The following RGSL1 variants were observed in gnomAD, a reference collection of about 807,000 sequenced individuals.
RGSL1 encodes regulator of G protein signaling protein-like.
RGSL1 carries 97 observed loss-of-function variants against 124.7 expected under a neutral mutation model. The observed-to-expected ratio is 0.78, with a 90% CI of 0.66 to 0.92. The LOEUF is 0.92. RGSL1 is among the 40% of genes least tolerant of loss of function. RGSL1 has a pLI of 0.00. For missense variants in RGSL1, 1,233 were observed against 1,288.4 expected, an observed-to-expected ratio of 0.96 and a Z score of 0.66; for synonymous variants, 424 against 438.1, an observed-to-expected ratio of 0.97 and a Z score of 0.40.
At chr1:182,462,578 A>T (rs2986062) in intron 4 of RGSL1, among the ~76,000 whole-genome samples, 13,069 of 152,270 alleles carry the variant, frequency 0.086, 760 homozygotes, top group East Asian at 0.26. Context: ...GATAGTATTA[A>T]TGTAACTTTG....
chr1:182,492,625 A>G (rs960527965), intron 8 of RGSL1, among the ~76,000 whole-genome samples: 9 of 130,652 alleles, frequency 6.9e-5, no homozygotes, highest in Non-Finnish European at 1.3e-4. Context: ...CTCTTTAAAT[A>G]ACCTTTTTTT....
At chr1:182,477,065 C>T (rs1307442819) in intron 6 of RGSL1, among the ~76,000 whole-genome samples, 1 of 152,162 alleles carries the variant, frequency 6.6e-6, no homozygotes, top group African/African-American at 2.4e-5. Flanking sequence ...TTTTGTTCAC[C>T]CATAGAAACA....
chr1:182,525,822 G>A (rs965046984), intron 10 of RGSL1, among the ~76,000 whole-genome samples: 3 of 150,904 alleles, frequency 2.0e-5, no homozygotes, highest in African/African-American at 7.3e-5. Flanking sequence ...TTTTTGTAGA[G>A]ATTAATAAAA....
In RGSL1 at chr1:182,527,672, C is replaced by T. The variant is rs1658849593; in HGVS notation, c.2025C>T (p.Leu675=). The T allele has an allele frequency of 6.4e-7, 1 of 1,551,440 alleles. No homozygotes were observed. The highest frequency in any genetic ancestry group is 1.4e-5 in the African/African-American group (1 of 73,126). ...ERKAKIPLQF[L]TAVQKISIET... The stretch of plus-strand genomic sequence containing the variant: ...AGGCTAAAATCCCATTGCAATTTCT[C>T]ACAGCTGTACAGAAGATCAGTATAG... The change falls in exon 11 of 22, where the codon CTC becomes CTT. Residue 675 remains leucine, a synonymous_variant. Coordinates refer to ENST00000294854, the MANE Select transcript of RGSL1 (RefSeq NM_001137669.2).
intron 4 of RGSL1, among the ~76,000 whole-genome samples, chr1:182,471,729 G>T (rs942576829): frequency 1.3e-5 from 2 of 152,150 alleles, no homozygotes; most frequent in Non-Finnish European, 2.9e-5. Context: ...CAAGGAACAC[G>T]TAAACAAATC....
At chr1:182,509,481 A>T (rs370542440) in intron 9 of RGSL1, among the ~76,000 whole-genome samples, 3 of 49,120 alleles carry the variant, frequency 6.1e-5, no homozygotes, top group Non-Finnish European at 1.3e-4. Flanking sequence ...GCGGCTGGCC[A>T]GGCGGGGGGC....
intron 8 of RGSL1, among the ~76,000 whole-genome samples, chr1:182,490,795 C>T (rs1210211712): frequency 2.6e-5 from 4 of 152,094 alleles, no homozygotes; most frequent in African/African-American, 7.2e-5. Context: ...TTTTGGAGCA[C>T]AAGTCTGGCC....
intron 9 of RGSL1, among the ~76,000 whole-genome samples, chr1:182,515,606 G>A (rs978835467): frequency 2.0e-5 from 3 of 151,792 alleles, no homozygotes; most frequent in Admixed American, 2.0e-4. Context: ...TTGAGCAAAT[G>A]GGTTCCTTTA....
Position 182,473,698 on chromosome 1 carries a change from C to A in RGSL1, c.587C>A (p.Thr196Asn), listed in dbSNP as rs1654039401. Residue 196 changes from threonine to asparagine, a missense_variant, in exon 6 of 22, where the codon ACC becomes AAC. Coordinates refer to ENST00000294854, the MANE Select transcript of RGSL1 (RefSeq NM_001137669.2). ...LQSYWLPNFYTHTKMTMAKEE... is the reference protein window; with the variant it reads ...LQSYWLPNFYNHTKMTMAKEE... Reference sequence around the variant, plus strand: ...AGCTATTGGCTTCCCAACTTTTACACCCACACCAAGATGACCATGGCCAAG... The same window carrying A: ...AGCTATTGGCTTCCCAACTTTTACAACCACACCAAGATGACCATGGCCAAG... 4 of 1,551,642 alleles carry A rather than the reference C, an allele frequency of 2.6e-6. No homozygotes were observed. Among genetic ancestry groups the A allele is most frequent in the Middle Eastern group, 1.7e-4 (1 of 5,994 alleles).
chr1:182,548,630 G>C (rs912923033), intron 16 of RGSL1, 70 bp from the exon 17 acceptor site: 2 of 1,536,438 alleles, frequency 1.3e-6, no homozygotes, highest in African/African-American at 1.4e-5. Context: ...ATGGGGTTCT[G>C]GGGGCCAGGA....
chr1:182,491,095 C>A (rs1571558952), intron 8 of RGSL1, among the ~76,000 whole-genome samples: 1 of 151,612 alleles, frequency 6.6e-6, no homozygotes, highest in East Asian at 2.0e-4. Context: ...GCCATGTTGC[C>A]CAGGCTAGGC....
At chr1:182,535,407 A>G (rs1235453865) in intron 14 of RGSL1, among the ~76,000 whole-genome samples, 1 of 152,156 alleles carries the variant, frequency 6.6e-6, no homozygotes, top group Non-Finnish European at 1.5e-5. Flanking sequence ...GAAGCAATCA[A>G]AAGAGGAGTT....
chr1:182,551,016 C>A, intron 17 of RGSL1, 84 bp from the exon 18 acceptor site: 2 of 869,322 alleles, frequency 2.3e-6, no homozygotes, highest in Non-Finnish European at 3.8e-6. Context: ...GAGGACTGGC[C>A]CGGCCCTGTT....
At chr1:182,559,768 G>A (rs1195341768) in intron 21 of RGSL1, among the ~76,000 whole-genome samples, 1 of 152,042 alleles carries the variant, frequency 6.6e-6, no homozygotes, top group Admixed American at 6.5e-5. Flanking sequence ...TGCCTAAAGG[G>A]CCCTTCCCTT....
chr1:182,504,330 GT>G (rs1656642694), intron 9 of RGSL1, among the ~76,000 whole-genome samples: 1 of 151,974 alleles, frequency 6.6e-6, no homozygotes, highest in Non-Finnish European at 1.5e-5. Context: ...ATTCTCCCGG[GT>G]TTTTGTAACT....
intron 4 of RGSL1, 45 bp from the exon 5 acceptor site, chr1:182,472,351 G>T: frequency 6.7e-7 from 1 of 1,490,950 alleles, no homozygotes; most frequent in Non-Finnish European, 9.0e-7. Context: ...CACCAAAGGG[G>T]CAAAACTAGG....
chr1:182,528,837 G>C (rs968980656), intron 11 of RGSL1, among the ~76,000 whole-genome samples: 2 of 152,188 alleles, frequency 1.3e-5, no homozygotes, highest in Admixed American at 6.5e-5. Flanking sequence ...GAAGAAAAGA[G>C]GTTTAATTGA....
chr1:182,460,134 G>T lies in RGSL1; in HGVS notation c.301+1G>T, dbSNP rs549854306. ...AGTTTCATTAAGTCCCCAGAAGGAG[G>T]TAAGCATTGGTGTGCATGCGTGTGT... On this transcript the variant is annotated splice_donor_variant, in intron 4 of 21. Transcript: ENST00000294854. LOFTEE classifies it high-confidence loss of function. The T allele has an allele frequency of 6.5e-7, 1 of 1,548,264 alleles. No homozygotes were observed. Among genetic ancestry groups the T allele is most frequent in the African/African-American group, 1.4e-5 (1 of 72,072 alleles).
chr1:182,552,836 C>T (rs1660650774), intron 18 of RGSL1, among the ~76,000 whole-genome samples: 2 of 152,118 alleles, frequency 1.3e-5, no homozygotes, highest in Admixed American at 1.3e-4. Flanking sequence ...ACCTTTATAA[C>T]AAACCCACTC....
Sources: allele counts gnomAD v4.1 joint callset (sites outside exome capture counted in the v4.1 genomes callset), GRCh38; gene constraint gnomAD v4.1.1; transcripts MANE v1.5; gene names NCBI Gene and HGNC (gene_info 2026-07-23, HGNC 2026-07-21).